Variants in MARCHF3 observed in about 807,000 individuals in gnomAD.
MARCHF3 encodes the protein membrane associated ring-CH-type finger 3.
MARCHF3 carries 13 observed loss-of-function variants against 24.2 expected under a neutral mutation model. That is an observed-to-expected ratio of 0.54 (90% CI 0.35 to 0.85). The LOEUF is 0.85. Ranked by LOEUF, MARCHF3 falls within the 40% of genes least tolerant of loss-of-function variation. The pLI, the probability that MARCHF3 is intolerant of heterozygous loss-of-function variation, is 0.01. For missense variants in MARCHF3, 276 were observed against 325.0 expected (o/e 0.85, Z 1.16); for synonymous variants, 144 against 137.3 (o/e 1.05, Z -0.34).
chr5:126,911,470 A>C (rs1472841982), intron 3 of MARCHF3, among the ~76,000 whole-genome samples: 1 of 152,170 alleles, frequency 6.6e-6, no homozygotes, highest in Non-Finnish European at 1.5e-5. Context: ...CTACATGACT[A>C]TCAGGGGCAG....
chr5:126,904,372 C>A (rs1387857422), intron 3 of MARCHF3, among the ~76,000 whole-genome samples: 2 of 150,256 alleles, frequency 1.3e-5, no homozygotes, highest in Non-Finnish European at 3.0e-5. Context: ...AGTTCTAGAT[C>A]TCTGAGGAAT....
At chr5:126,894,404 A>G (rs1753799721) in intron 3 of MARCHF3, among the ~76,000 whole-genome samples, 1 of 151,554 alleles carries the variant, frequency 6.6e-6, no homozygotes, top group South Asian at 2.1e-4. Context: ...ACATTTTGGC[A>G]TGATTTTGCA....
intron 1 of MARCHF3, among the ~76,000 whole-genome samples, chr5:127,010,101 G>T (rs1454840867): frequency 1.3e-5 from 2 of 152,256 alleles, no homozygotes; most frequent in Admixed American, 1.3e-4. Flanking sequence ...ACCACTCAGG[G>T]TTCTGAGTGG....
intron 1 of MARCHF3, among the ~76,000 whole-genome samples, chr5:126,988,340 C>A (rs1387714917): frequency 6.6e-6 from 1 of 152,156 alleles, no homozygotes; most frequent in Non-Finnish European, 1.5e-5. Flanking sequence ...GAAACCCACA[C>A]CATCTGTGAA....
intron 1 of MARCHF3, among the ~76,000 whole-genome samples, chr5:127,022,641 G>C (rs1261662739): frequency 1.3e-5 from 2 of 152,184 alleles, no homozygotes; most frequent in Admixed American, 1.3e-4. Flanking sequence ...AACGTCCCTT[G>C]AGTCCTCCCA....
At chr5:126,958,674 A>G (rs1024731481) in intron 1 of MARCHF3, among the ~76,000 whole-genome samples, 2 of 152,192 alleles carry the variant, frequency 1.3e-5, no homozygotes, top group Non-Finnish European at 2.9e-5. Flanking sequence ...TAATAATCAA[A>G]TGTGACTTTT....
At chr5:126,967,812 T>C (rs946792722) in intron 1 of MARCHF3, among the ~76,000 whole-genome samples, 9 of 152,200 alleles carry the variant, frequency 5.9e-5, no homozygotes, top group African/African-American at 2.2e-4. Flanking sequence ...GTTTTAAAAA[T>C]TGAGATATAA....
intron 1 of MARCHF3, among the ~76,000 whole-genome samples, chr5:126,937,810 G>A (rs1014025685): frequency 3.3e-5 from 5 of 152,108 alleles, no homozygotes; most frequent in Non-Finnish European, 7.4e-5. Flanking sequence ...TTACAGAATC[G>A]AAAAGCTTTC....
chr5:126,974,578 T>C (rs1311544683), intron 1 of MARCHF3, among the ~76,000 whole-genome samples: 2 of 152,244 alleles, frequency 1.3e-5, no homozygotes, highest in African/African-American at 4.8e-5. Flanking sequence ...GGAACCTCAG[T>C]TGGAGGTTCT....
intron 1 of MARCHF3, among the ~76,000 whole-genome samples, chr5:126,948,545 C>G (rs576346565): frequency 4.6e-5 from 7 of 152,262 alleles, no homozygotes; most frequent in Middle Eastern, 3.4e-3. Flanking sequence ...AAAGAATGAA[C>G]GGGAGAACCA....
chr5:127,021,658 T>A (rs1752808609), intron 1 of MARCHF3, among the ~76,000 whole-genome samples: 1 of 152,218 alleles, frequency 6.6e-6, no homozygotes, highest in African/African-American at 2.4e-5. Context: ...GGATGGTATC[T>A]AACTGTGAGA....
chr5:126,989,485 A>G (rs1336190239), intron 1 of MARCHF3, among the ~76,000 whole-genome samples: 2 of 152,074 alleles, frequency 1.3e-5, no homozygotes, highest in Non-Finnish European at 2.9e-5. Flanking sequence ...TTAAGCAACA[A>G]TTTAGTTTCC....
At chr5:126,992,551 C>G (rs1265921263) in intron 1 of MARCHF3, among the ~76,000 whole-genome samples, 4 of 152,138 alleles carry the variant, frequency 2.6e-5, no homozygotes, top group Non-Finnish European at 5.9e-5. Context: ...CTGAATGTCT[C>G]CCTTAGCCAG....
At chr5:126,912,153 G>C (rs1215046422) in intron 3 of MARCHF3, among the ~76,000 whole-genome samples, 1 of 152,196 alleles carries the variant, frequency 6.6e-6, no homozygotes, top group Non-Finnish European at 1.5e-5. Context: ...CAACAGCCCT[G>C]GGTTCCTGCC....
chr5:126,967,025 T>C (rs1750844068), intron 1 of MARCHF3, among the ~76,000 whole-genome samples: 1 of 149,548 alleles, frequency 6.7e-6, no homozygotes, highest in Non-Finnish European at 1.5e-5. Context: ...GTTACATGAC[T>C]AAGTTCTTCA....
In MARCHF3 at chr5:126,918,030, C is replaced by T; in HGVS notation, c.142G>A (p.Asp48Asn). The change falls in exon 2 of 5, where the codon GAC (aspartate) becomes AAC (asparagine). Residue 48 changes from aspartate to asparagine, a missense_variant. Coordinates refer to ENST00000308660, the MANE Select transcript of MARCHF3 (RefSeq NM_178450.5). ...PQYVMQVSAK[D>N]GQLLSTVVRT... ...ACTACTGTTGACAGCAGCTGCCCGT[C>T]CTTGGCTGAAACTTGCATGACATAC... The T allele has an allele frequency of 6.2e-7, 1 of 1,614,176 alleles. No homozygotes were observed. The highest frequency in any genetic ancestry group is 8.5e-7 in the Non-Finnish European group (1 of 1,180,038).
At chr5:127,028,458 T>C (rs1257271253) in intron 1 of MARCHF3, among the ~76,000 whole-genome samples, 3 of 152,202 alleles carry the variant, frequency 2.0e-5, no homozygotes, top group East Asian at 1.9e-4. Context: ...ACTATGAATA[T>C]ATGTCCAGGT....
chr5:126,911,080 T>C (rs1184453244), intron 3 of MARCHF3, among the ~76,000 whole-genome samples: 1 of 152,204 alleles, frequency 6.6e-6, no homozygotes, highest in Non-Finnish European at 1.5e-5. Flanking sequence ...TAATAAATTT[T>C]GGTCAGACCA....
At chr5:126,944,524 A>C (rs1348776348) in intron 1 of MARCHF3, among the ~76,000 whole-genome samples, 1 of 152,236 alleles carries the variant, frequency 6.6e-6, no homozygotes, top group Non-Finnish European at 1.5e-5. Flanking sequence ...TTGAGGCTGC[A>C]GTAAGCCCTG....
Sources: allele counts gnomAD v4.1 joint callset (sites outside exome capture counted in the v4.1 genomes callset), GRCh38; gene constraint gnomAD v4.1.1; transcripts MANE v1.5; gene names NCBI Gene and HGNC (gene_info 2026-07-23, HGNC 2026-07-21).